ANKFY1: variants seen among roughly 807,000 people sequenced by gnomAD.
ANKFY1 encodes the protein ankyrin repeat and FYVE domain-containing protein 1.
ANKFY1 carries 47 observed loss-of-function variants against 128.3 expected under a neutral mutation model. The ratio of observed to expected loss-of-function variants is 0.37; its 90% CI spans 0.29 to 0.47. The LOEUF is 0.47. ANKFY1 is among the 20% of genes least tolerant of loss of function. The probability of loss-of-function intolerance (pLI) is 1.00; values close to 1 mark genes in which losing one functional copy is unlikely to be tolerated. For missense variants in ANKFY1, 1,222 were observed against 1,510.6 expected, an observed-to-expected ratio of 0.81 and a Z score of 3.17; for synonymous variants, 553 against 601.6, an observed-to-expected ratio of 0.92 and a Z score of 1.18.
At position 4,182,243 on chromosome 17, in the gene ANKFY1, T is replaced by A. The variant is rs904103782; in HGVS notation, c.2059A>T (p.Lys687Ter). ...GCAAGCCACAGCGGGGGGTTCCCCT[T>A]CTCATCTGGCACAGACATGTCAGCT... The part of the protein sequence containing the change: ...RGADMSVPDE[K>*]GNPPLWLALA... Residue 687 changes from lysine to a stop codon, truncating the protein, a stop_gained, in exon 15 of 25, where the codon AAG (lysine) becomes TAG (stop). Coordinates refer to ENST00000341657, the MANE Select transcript of ANKFY1 (RefSeq NM_001330063.2). LOFTEE classifies it high-confidence loss of function. 2 of 1,586,810 alleles carry A rather than the reference T, an allele frequency of 1.3e-6. No homozygotes were observed. The highest frequency in any genetic ancestry group is 1.7e-6 in the Non-Finnish European group (2 of 1,164,820).
chr17:4,239,054 G>A (rs1031067470), intron 2 of ANKFY1, among the ~76,000 whole-genome samples: 7 of 152,116 alleles, frequency 4.6e-5, no homozygotes, highest in Non-Finnish European at 8.8e-5. Context: ...CACCACGCCC[G>A]GCCTAGGGCA....
intron 2 of ANKFY1, 85 bp from the exon 3 acceptor site, chr17:4,235,975 G>C: frequency 1.1e-6 from 1 of 941,872 alleles, no homozygotes; most frequent in Admixed American, 1.9e-5. Flanking sequence ...AAACACATGA[G>C]TATTCATCAA....
chr17:4,209,283 G>A (rs1211058549), intron 5 of ANKFY1, among the ~76,000 whole-genome samples: 1 of 152,184 alleles, frequency 6.6e-6, no homozygotes, highest in Non-Finnish European at 1.5e-5. Context: ...TTCCAAGCCT[G>A]TTTCTGGACC....
Position 4,167,536 on chromosome 17 carries a change from G to C in ANKFY1, c.*243C>G, listed in dbSNP as rs2142998159. On this transcript the variant is annotated 3_prime_UTR_variant, in exon 25 of 25. Transcript: ENST00000341657. The surrounding 1 kb of genome is among the most constrained non-coding windows in gnomAD (Gnocchi z 4.1). Reference sequence around the variant, plus strand: ...AATTCCTAATCACATTTACCACTTAGGCCCAATGGCCTGGTCTGATGAGTG... The same window carrying C: ...AATTCCTAATCACATTTACCACTTACGCCCAATGGCCTGGTCTGATGAGTG... The C allele has an allele frequency of 2.6e-6, 1 of 385,466 alleles. No homozygotes were observed. The highest frequency in any genetic ancestry group is 3.9e-5 in the East Asian group (1 of 25,578). The allele number at this position is 385,466 out of a possible 1,614,324, so 23.9% of individuals were successfully genotyped here.
intron 4 of ANKFY1, among the ~76,000 whole-genome samples, chr17:4,214,911 C>G (rs1174377173): frequency 2.0e-5 from 3 of 152,096 alleles, no homozygotes; most frequent in Non-Finnish European, 1.5e-5. Context: ...CTGTATCCTC[C>G]AAATATCATA....
chr17:4,209,763 C>A, intron 5 of ANKFY1, 61 bp downstream of exon 5: 1 of 1,537,544 alleles, frequency 6.5e-7, no homozygotes, highest in Non-Finnish European at 8.8e-7. Flanking sequence ...AACTACGTCC[C>A]CAGCGGCGGT....
chr17:4,174,045 T>C lies in ANKFY1; in HGVS notation c.2787A>G (p.Gly929=). ...GCTTGGTTAATTCGTTCACTTTGGCTCCCGCAAGAAGCTGTTGAAGTTCAT... is the reference window on the plus strand; with the variant it reads ...GCTTGGTTAATTCGTTCACTTTGGCCCCCGCAAGAAGCTGTTGAAGTTCAT... The part of the protein sequence containing the change: ...EIIVRNLLLA[G]AKVNELTKHR... The change falls in exon 20 of 25, where the codon GGA becomes GGG. Residue 929 remains glycine (G), a synonymous_variant. Coordinates refer to ENST00000341657, the MANE Select transcript of ANKFY1 (RefSeq NM_001330063.2). 1 of 1,614,024 alleles carries C rather than the reference T, an allele frequency of 6.2e-7. No individual in the cohort carries two copies. Among genetic ancestry groups the C allele is most frequent in the Non-Finnish European group, 8.5e-7 (1 of 1,179,936 alleles).
At chr17:4,249,907 C>G (rs1206569785) in intron 1 of ANKFY1, among the ~76,000 whole-genome samples, 1 of 152,212 alleles carries the variant, frequency 6.6e-6, no homozygotes, top group Non-Finnish European at 1.5e-5. Flanking sequence ...CTTCAACCCA[C>G]ATCACTCTAC....
At chr17:4,206,226 C>T (rs2060021025) in intron 7 of ANKFY1, 95 bp downstream of exon 7, 1 of 1,387,004 alleles carries the variant, frequency 7.2e-7, no homozygotes, top group Non-Finnish European at 1.0e-6. Flanking sequence ...CTACAGAAGC[C>T]TTTGAGAATT....
chr17:4,249,028 C>T, intron 1 of ANKFY1: 1 of 628,282 alleles, frequency 1.6e-6, no homozygotes, highest in Non-Finnish European at 2.0e-6. Context: ...TCATTCATTA[C>T]AAATAGCCTA....
At chr17:4,254,173 A>C (rs1340415256) in intron 1 of ANKFY1, among the ~76,000 whole-genome samples, 1 of 151,874 alleles carries the variant, frequency 6.6e-6, no homozygotes, top group Non-Finnish European at 1.5e-5. Context: ...GTGTGGTGGC[A>C]GGCGCCTGTA....
chr17:4,222,907 C>T (rs1165985346), intron 3 of ANKFY1: 2 of 1,147,680 alleles, frequency 1.7e-6, no homozygotes, highest in African/African-American at 1.5e-5. Flanking sequence ...ACTCCTATCA[C>T]CAGCTCCTCA....
chr17:4,177,447 G>A (rs1224613411), intron 18 of ANKFY1, 145 bp from the exon 19 acceptor site: 2 of 686,404 alleles, frequency 2.9e-6, no homozygotes, highest in African/African-American at 3.7e-5. Flanking sequence ...GAATGAACAT[G>A]AAACGCCATC....
chr17:4,179,609 C>A, intron 17 of ANKFY1, 112 bp downstream of exon 17: 1 of 1,397,124 alleles, frequency 7.2e-7, no homozygotes, highest in Non-Finnish European at 9.7e-7. Context: ...GTCGTGTGTT[C>A]ATGAAGCAGC....
At chr17:4,187,024 C>A (rs2059624423) in intron 11 of ANKFY1, 1 of 1,226,848 alleles carries the variant, frequency 8.2e-7, no homozygotes, top group Non-Finnish European at 1.0e-6. Flanking sequence ...ATTTCAGTGT[C>A]TTTGGGGTAC....
intron 3 of ANKFY1, among the ~76,000 whole-genome samples, chr17:4,233,473 A>G (rs1018292832): frequency 6.6e-6 from 1 of 152,242 alleles, no homozygotes; most frequent in Non-Finnish European, 1.5e-5. Context: ...GCATGCAGGC[A>G]TCTGCACATG....
At chr17:4,174,109 C>G in intron 19 of ANKFY1, 53 bp from the exon 20 acceptor site, 1 of 1,591,228 alleles carries the variant, frequency 6.3e-7, no homozygotes, top group Non-Finnish European at 8.6e-7. Flanking sequence ...ATCAAGATCC[C>G]CCTTATGGGG....
chr17:4,241,976 C>T (rs754116414), intron 2 of ANKFY1, among the ~76,000 whole-genome samples: 28 of 151,622 alleles, frequency 1.8e-4, no homozygotes, highest in Non-Finnish European at 3.5e-4. Context: ...GTAGTCCCAG[C>T]CACTCGGGAG....
In ANKFY1 at chr17:4,172,667, G is replaced by C; in HGVS notation, c.3028C>G (p.Leu1010Val). ...TTGCCATATTGTCCCAAAATGTGCA[G>C]TGGTGACTGGCCTCTGATAAAACAA... ...EAFNLRGQSP[L>V]HILGQYGKEN... Residue 1010 changes from leucine to valine, a missense_variant, in exon 22 of 25, where the codon CTG becomes GTG. By Grantham distance (32) the Leu-to-Val change is conservative. Transcript: ENST00000341657. The C allele has an allele frequency of 6.2e-7, 1 of 1,614,030 alleles. No homozygotes were observed. Among genetic ancestry groups the C allele is most frequent in the Non-Finnish European group, 8.5e-7 (1 of 1,179,972 alleles).
Sources: allele counts gnomAD v4.1 joint callset (sites outside exome capture counted in the v4.1 genomes callset), GRCh38; gene constraint gnomAD v4.1.1; non-coding constraint Gnocchi (gnomAD v3.1); transcripts MANE v1.5; gene names NCBI Gene and HGNC (gene_info 2026-07-23, HGNC 2026-07-21).